AKAP8L: variants seen among roughly 807,000 people sequenced by gnomAD.
AKAP8L encodes A-kinase anchoring protein 8 like.
Under a neutral mutation model 77.5 loss-of-function variants are expected in AKAP8L, and 34 were observed. The observed-to-expected ratio is 0.44, with a 90% CI of 0.33 to 0.58. The LOEUF is 0.58. Among genes scored for constraint, AKAP8L ranks in the 20% least tolerant of loss-of-function variants. The pLI, the probability that AKAP8L is intolerant of heterozygous loss-of-function variation, is 0.02. For synonymous variants in AKAP8L, 342 were observed against 340.7 expected (o/e 1.00, Z -0.04); for missense variants, 806 against 887.6 (o/e 0.91, Z 1.17).
At chr19:15,380,689 G>C in intron 12 of AKAP8L, 77 bp from the exon 13 acceptor site, 1 of 1,418,858 alleles carries the variant, frequency 7.0e-7, no homozygotes, top group Non-Finnish European at 9.8e-7. Flanking sequence ...TGCCAGCTTA[G>C]AGGGACCCCA....
In AKAP8L at chr19:15,418,944, C is replaced by A. The variant is rs1170187995; in HGVS notation, c.-21G>T. ...CTCATGGTGGCGGGCAACACAACAT[C>A]CGACGACGCCGGCTTCTGCTGCTCT... On this transcript the variant is annotated 5_prime_UTR_variant, in exon 1 of 14. Coordinates refer to ENST00000397410, the MANE Select transcript of AKAP8L (RefSeq NM_014371.4). 11 of 1,603,366 alleles carry A rather than the reference C, an allele frequency of 6.9e-6. No homozygotes were observed. Among genetic ancestry groups the A allele is most frequent in the Non-Finnish European group, 9.3e-6 (11 of 1,178,996 alleles).
chr19:15,418,624 G>C (rs533420090), intron 1 of AKAP8L, among the ~76,000 whole-genome samples: 2 of 152,346 alleles, frequency 1.3e-5, no homozygotes, highest in Non-Finnish European at 2.9e-5. Flanking sequence ...GGACGGAGGT[G>C]GTGGGGGCGG....
chr19:15,418,238 G>A (rs1968246730), intron 1 of AKAP8L, among the ~76,000 whole-genome samples: 1 of 152,198 alleles, frequency 6.6e-6, no homozygotes, highest in Non-Finnish European at 1.5e-5. Context: ...AGCTGCTTGA[G>A]GAATTCTTGT....
chr19:15,391,364 A>G (rs1967654628), intron 12 of AKAP8L, among the ~76,000 whole-genome samples: 1 of 135,774 alleles, frequency 7.4e-6, no homozygotes, highest in African/African-American at 2.7e-5. Context: ...AGGCTGAGGC[A>G]GGAGAATGGC....
At chr19:15,404,335 T>C (rs1967957915) in intron 2 of AKAP8L, 2 of 404,080 alleles carry the variant, frequency 4.9e-6, no homozygotes, top group African/African-American at 4.1e-5. Context: ...AATTAGAAGG[T>C]GACCTCCACA....
Position 15,400,039 on chromosome 19 carries a change from G to A in AKAP8L, c.1048+256C>T, listed in dbSNP as rs1176313913. ...GGGGTTCCCCACACTTTTACTAGCTGCCCCCATCTGAAGGCAAAACCAGTG... is the reference window on the plus strand; with the variant it reads ...GGGGTTCCCCACACTTTTACTAGCTACCCCCATCTGAAGGCAAAACCAGTG... On this transcript the variant is annotated intron_variant, in intron 8 of 13. Transcript: ENST00000397410. 45 of 560,724 alleles carry A rather than the reference G, an allele frequency of 8.0e-5. 2 individuals are homozygous for A. Among genetic ancestry groups the A allele is most frequent in the South Asian group, 6.9e-4 (31 of 44,910 alleles). 34.7% of individuals were successfully genotyped at this position (560,724 alleles called of 1,614,324 possible).
At chr19:15,402,474 G>GAT (rs1967919353) in intron 4 of AKAP8L, among the ~76,000 whole-genome samples, 1 of 152,164 alleles carries the variant, frequency 6.6e-6, no homozygotes, top group African/African-American at 2.4e-5. Flanking sequence ...TGCTTACCCC[G>GAT]ATCCCAGGCT....
chr19:15,395,215 A>G (rs1374103853), intron 12 of AKAP8L, among the ~76,000 whole-genome samples: 1 of 151,846 alleles, frequency 6.6e-6, no homozygotes, highest in African/African-American at 2.4e-5. Context: ...TTGTATTTTT[A>G]GTAGAGACGG....
chr19:15,411,682 T>C (rs1380432046), intron 1 of AKAP8L, among the ~76,000 whole-genome samples: 1 of 152,156 alleles, frequency 6.6e-6, no homozygotes, highest in Non-Finnish European at 1.5e-5. Context: ...TGGGGTGGCA[T>C]GGTCATATGG....
intron 1 of AKAP8L, among the ~76,000 whole-genome samples, chr19:15,418,443 G>T (rs1292762056): frequency 6.6e-6 from 1 of 152,216 alleles, no homozygotes; most frequent in East Asian, 1.9e-4. Flanking sequence ...AGACAAAAGG[G>T]GGTGGTGGGT....
At chr19:15,408,997 C>A (rs931316223) in intron 2 of AKAP8L, among the ~76,000 whole-genome samples, 2 of 151,998 alleles carry the variant, frequency 1.3e-5, no homozygotes, top group Non-Finnish European at 1.5e-5. Context: ...ATACTGCACA[C>A]CTTGTAGAAA....
chr19:15,409,776 A>C (rs1968072717), intron 2 of AKAP8L, among the ~76,000 whole-genome samples: 1 of 152,044 alleles, frequency 6.6e-6, no homozygotes, highest in African/African-American at 2.4e-5. Context: ...TGGAAAACTC[A>C]ATCAGAGATC....
rs1305012306 is a variant in AKAP8L, at chr19:15,398,414, T to G, written c.1158-559A>C. The G allele has an allele frequency of 3.2e-5, 7 of 221,732 alleles. No homozygotes were observed. Among genetic ancestry groups the G allele is most frequent in the Non-Finnish European group, 5.4e-5 (7 of 130,112 alleles). The allele number at this position is 221,732 out of a possible 1,614,324, so 13.7% of individuals were successfully genotyped here. A position where few individuals can be genotyped will look rare whatever the true frequency, so the allele number is the denominator to read the frequency against. On this transcript the variant is annotated intron_variant, in intron 9 of 13. Coordinates refer to ENST00000397410, the MANE Select transcript of AKAP8L (RefSeq NM_014371.4). This position sits in a 1 kb window ranked among gnomAD's most constrained non-coding sequence, Gnocchi z 9.2. ...GCAGCAGGCCTGGGCACCTGCTGCCTCATCTTCCTCTTCCAAGAAGAGACC... is the reference window on the plus strand; with the variant it reads ...GCAGCAGGCCTGGGCACCTGCTGCCGCATCTTCCTCTTCCAAGAAGAGACC...
chr19:15,391,543 A>T (rs1488183162), intron 12 of AKAP8L, among the ~76,000 whole-genome samples: 50 of 135,282 alleles, frequency 3.7e-4, no homozygotes, highest in Non-Finnish European at 6.2e-4. Flanking sequence ...ATTTTATTTT[A>T]TTTATTTATT....
intron 2 of AKAP8L, 137 bp from the exon 3 acceptor site, chr19:15,404,179 C>T (rs766033299): frequency 2.6e-5 from 21 of 810,338 alleles, no homozygotes; most frequent in East Asian, 1.6e-4. Context: ...CTTGAGCTCG[C>T]GAGCACTGCG....
In AKAP8L at chr19:15,403,684, A is replaced by T; in HGVS notation, c.153T>A (p.Tyr51Ter). 6.3e-7 allele frequency: 1 copy of T among 1,589,994 alleles called. No homozygotes were observed. Among genetic ancestry groups the T allele is most frequent in the Non-Finnish European group, 8.6e-7 (1 of 1,168,102 alleles). The part of the protein sequence containing the change: ...GYEGYGYGYG[Y>*]GQDNTTNYGY... ...CATAGTTGGTGGTGTTATCCTGGCC[A>T]TAGCCATAGCCATAGCCATAGCCCT... is the stretch of plus-strand genomic sequence containing the variant. The change falls in exon 4 of 14, where the codon TAT (tyrosine) becomes TAA (stop). Residue 51 changes from tyrosine (Y) to a stop codon, truncating the protein, a stop_gained. Transcript: ENST00000397410. LOFTEE classifies it high-confidence loss of function. This position sits in a 1 kb window ranked among gnomAD's most constrained non-coding sequence, Gnocchi z 4.3.
At chr19:15,413,670 A>C (rs1367063128) in intron 1 of AKAP8L, among the ~76,000 whole-genome samples, 1 of 152,226 alleles carries the variant, frequency 6.6e-6, no homozygotes. Context: ...CTTATAATGT[A>C]AGGAATACCC....
chr19:15,399,996 A>T lies in AKAP8L; in HGVS notation c.1048+299T>A. On this transcript the variant is annotated intron_variant, in intron 8 of 13. Coordinates refer to ENST00000397410, the MANE Select transcript of AKAP8L (RefSeq NM_014371.4). This position sits in a 1 kb window ranked among gnomAD's most constrained non-coding sequence, Gnocchi z 6.1. ...GGAACTGCGCGTTACTGAGGGACCG[A>T]GGGCAGGGGGCGTGCCTGGGGTTCC... is the stretch of plus-strand genomic sequence containing the variant. The T allele has an allele frequency of 1.9e-6, 1 of 513,040 alleles. No homozygotes were observed. Among genetic ancestry groups the T allele is most frequent in the Non-Finnish European group, 3.5e-6 (1 of 286,512 alleles). The allele number at this position is 513,040 out of a possible 1,614,324, so 31.8% of individuals were successfully genotyped here.
Position 15,403,590 on chromosome 19 carries a change from A to C in AKAP8L, c.247T>G (p.Ser83Ala). Residue 83 changes from serine (S) to alanine (A), a missense_variant, in exon 4 of 14, where the codon TCG becomes GCG. This residue lies in a region of AKAP8L where 580 missense variants were observed against 694.1 expected (regional missense o/e 0.84). Coordinates refer to ENST00000397410, the MANE Select transcript of AKAP8L (RefSeq NM_014371.4). This position sits in a 1 kb window ranked among gnomAD's most constrained non-coding sequence, Gnocchi z 4.3. The part of the protein sequence containing the change: ...SSDTNANTSA[S>A]GSASADSVLS... ...ACGGAATCGGCACTGGCGCTACCCG[A>C]GGCACTAGTGTTTGCATTTGTGTCA... is the stretch of plus-strand genomic sequence containing the variant. 1 of 1,613,960 alleles carries C rather than the reference A, an allele frequency of 6.2e-7. No homozygotes were observed.
Sources: gnomAD v4.1 joint callset for allele counts (sites outside exome capture counted in the v4.1 genomes callset) on GRCh38, gnomAD v4.1.1 for gene constraint, gnomAD v4.1.1 regional missense constraint, Gnocchi (gnomAD v3.1) non-coding constraint, MANE v1.5 for transcripts, NCBI Gene and HGNC (gene_info 2026-07-23, HGNC 2026-07-21) for gene names.